E2F2: variants seen among roughly 807,000 people sequenced by gnomAD.
The protein encoded by E2F2 is E2F transcription factor 2.
In E2F2, 22 loss-of-function variants were observed where a neutral mutation model predicts 42.2. That is an observed-to-expected ratio of 0.52 (90% CI 0.37 to 0.74). The LOEUF (loss-of-function observed/expected upper bound fraction) is 0.74. Among genes scored for constraint, E2F2 ranks in the 30% least tolerant of loss-of-function variants. The pLI, the probability that E2F2 is intolerant of heterozygous loss-of-function variation, is 0.00. For missense variants in E2F2, 481 were observed against 557.8 expected (o/e 0.86, Z 1.39); for synonymous variants, 248 against 251.6 (o/e 0.99, Z 0.13).
intron 6 of E2F2, among the ~76,000 whole-genome samples, chr1:23,514,337 A>G (rs1410520333): frequency 6.6e-6 from 1 of 152,104 alleles, no homozygotes; most frequent in Non-Finnish European, 1.5e-5. Context: ...AGGTGTCCCA[A>G]GGGACAGATG....
At chr1:23,514,123 TAA>T (rs35229050) in intron 6 of E2F2, among the ~76,000 whole-genome samples, 32 of 146,304 alleles carry the variant, frequency 2.2e-4, no homozygotes, top group South Asian at 1.3e-3. Flanking sequence ...GACTCTGTCT[TAA>T]AAAAAAAAAA....
rs1270263748 is a variant in E2F2 at position 23,509,423 on chromosome 1, T to G, written c.*457A>C. On this transcript the variant is annotated 3_prime_UTR_variant, in exon 7 of 7. Coordinates refer to ENST00000361729, the MANE Select transcript of E2F2 (RefSeq NM_004091.4). ...TGGAACATGGACAGTGATGGGCCTG[T>G]CTGCAGAGGTCTCACTAAAAACTAG... is the stretch of plus-strand genomic sequence containing the variant. The G allele has an allele frequency of 1.3e-5, 2 of 152,748 alleles. No homozygotes were observed. The highest frequency in any genetic ancestry group is 2.4e-5 in the African/African-American group (1 of 41,466). 9.5% of individuals were successfully genotyped at this position (152,748 alleles called of 1,614,324 possible).
chr1:23,517,748 G>C (rs1389113411), intron 5 of E2F2, among the ~76,000 whole-genome samples: 1 of 152,230 alleles, frequency 6.6e-6, no homozygotes, highest in Non-Finnish European at 1.5e-5. Flanking sequence ...AGGTGTTTAT[G>C]AAGTCTGGAG....
chr1:23,529,050 CAAAAAAT>C (rs1643295486), intron 1 of E2F2, among the ~76,000 whole-genome samples: 1 of 151,966 alleles, frequency 6.6e-6, no homozygotes, highest in African/African-American at 2.4e-5. Context: ...CCTGTCTCTA[CAAAAAAT>C]AAAAAATAAA....
At chr1:23,518,314 T>C (rs1204649970) in intron 5 of E2F2, among the ~76,000 whole-genome samples, 2 of 150,776 alleles carry the variant, frequency 1.3e-5, no homozygotes, top group Non-Finnish European at 3.0e-5. Flanking sequence ...AAAAAAAAAA[T>C]ACAAAACTTA....
At chr1:23,515,941 A>G (rs1394669538) in intron 6 of E2F2, among the ~76,000 whole-genome samples, 1 of 152,174 alleles carries the variant, frequency 6.6e-6, no homozygotes, top group Non-Finnish European at 1.5e-5. Context: ...GTCTCAAATG[A>G]TTCTCCTGCC....
At position 23,531,098 on chromosome 1, in the gene E2F2, G is replaced by C; in HGVS notation, c.-305C>G. 3.1e-6 allele frequency: 1 copy of C among 327,226 alleles called. No individual in the cohort carries two copies. Among genetic ancestry groups the C allele is most frequent in the Non-Finnish European group, 5.5e-6 (1 of 180,424 alleles). 20.3% of individuals were successfully genotyped at this position (327,226 alleles called of 1,614,324 possible). On this transcript the variant is annotated 5_prime_UTR_variant, in exon 1 of 7. Coordinates refer to ENST00000361729, the MANE Select transcript of E2F2 (RefSeq NM_004091.4). ...CGCTCCCCAAGGCCTCGGCACCTGG[G>C]GTCCGGCCGGCTCTGGGGAGGGGTC...
intron 6 of E2F2, among the ~76,000 whole-genome samples, chr1:23,511,232 G>A (rs1282500068): frequency 6.6e-6 from 1 of 151,242 alleles, no homozygotes; most frequent in African/African-American, 2.4e-5. Flanking sequence ...TTTCTTTCTC[G>A]CCGCCTTCTT....
Position 23,522,372 on chromosome 1 carries a change from A to G in E2F2, c.359-316T>C, listed in dbSNP as rs1462176589. Among the ~76,000 whole-genome samples, 4 of 152,304 alleles carry G rather than the reference A, an allele frequency of 2.6e-5. No homozygotes were observed. The East Asian group carries it at 5.8e-4, about 22-fold the overall frequency. On this transcript the variant is annotated intron_variant, in intron 2 of 6. Coordinates refer to ENST00000361729, the MANE Select transcript of E2F2 (RefSeq NM_004091.4). ...CACCCACAACTACTGTCACTGTTCTAAGTGCTTTCCATGTACGAACACATT... is the reference window on the plus strand; with the variant it reads ...CACCCACAACTACTGTCACTGTTCTGAGTGCTTTCCATGTACGAACACATT...
rs1642851987 is a variant in E2F2 at position 23,508,852 on chromosome 1, T to G, written c.*1028A>C. 1 of 152,150 alleles carries G rather than the reference T, an allele frequency of 6.6e-6. No individual in the cohort carries two copies. Among genetic ancestry groups the G allele is most frequent in the Non-Finnish European group, 1.5e-5 (1 of 68,064 alleles). The allele number at this position is 152,150 out of a possible 1,614,324, so 9.4% of individuals were successfully genotyped here. The stretch of plus-strand genomic sequence containing the variant: ...AGTGCCACATGGGGGGCAGAGGGGA[T>G]GCTTTTGGCAGTTTTTTGTTTTAAT... On this transcript the variant is annotated 3_prime_UTR_variant, in exon 7 of 7. Coordinates refer to ENST00000361729, the MANE Select transcript of E2F2 (RefSeq NM_004091.4).
rs755157465 is a variant in E2F2, at chr1:23,519,117, T to C, written c.751A>G (p.Thr251Ala). Residue 251 changes from threonine (T) to alanine (A), a missense_variant, in exon 5 of 7, where the codon ACT (threonine) becomes GCT (alanine). Physicochemically the swap from Thr to Ala is moderately conservative, Grantham distance 58. Coordinates refer to ENST00000361729, the MANE Select transcript of E2F2 (RefSeq NM_004091.4). ...CCAACAGCACGGATATCCTGGTAAGTCACATAGGCCAGCGTAGGGCAGGAG... is the reference window on the plus strand; with the variant it reads ...CCAACAGCACGGATATCCTGGTAAGCCACATAGGCCAGCGTAGGGCAGGAG... Reference protein sequence around the residue: ...DKANKRLAYVTYQDIRAVGNF... With the variant: ...DKANKRLAYVAYQDIRAVGNF... The C allele has an allele frequency of 6.2e-7, 1 of 1,613,778 alleles. No homozygotes were observed. The highest frequency in any genetic ancestry group is 8.5e-7 in the Non-Finnish European group (1 of 1,179,826).
At chr1:23,512,760 CT>C (rs1041399129) in intron 6 of E2F2, among the ~76,000 whole-genome samples, 4 of 152,032 alleles carry the variant, frequency 2.6e-5, no homozygotes, top group African/African-American at 9.7e-5. Context: ...GCTCTTACTG[CT>C]TTTCTGTCTC....
Position 23,516,231 on chromosome 1 carries a change from A to C in E2F2, c.1045+104T>G, listed in dbSNP as rs529818994. ...TGTGGGGTAGGATGACTACATCCCC[A>C]GCTGCTGGATAAAACAGGAGGTTTT... On this transcript the variant is annotated intron_variant, in intron 6 of 6. Coordinates refer to ENST00000361729, the MANE Select transcript of E2F2 (RefSeq NM_004091.4). 3.3e-5 allele frequency: 45 copies of C among 1,359,400 alleles called. No individual in the cohort carries two copies. The Admixed American group carries it at 9.7e-4, about 29-fold the overall frequency. The allele number at this position is 1,359,400 out of a possible 1,614,324, so 84.2% of individuals were successfully genotyped here.
At chr1:23,511,123 C>A (rs148929183) in intron 6 of E2F2, among the ~76,000 whole-genome samples, 1 of 152,268 alleles carries the variant, frequency 6.6e-6, no homozygotes, top group Non-Finnish European at 1.5e-5. Flanking sequence ...CCACCATGTC[C>A]CTGAGCCAGT....
chr1:23,529,710 A>AT (rs1643307322), intron 1 of E2F2, among the ~76,000 whole-genome samples: 1 of 152,186 alleles, frequency 6.6e-6, no homozygotes, highest in South Asian at 2.1e-4. Flanking sequence ...CACACAGAGA[A>AT]TTAGTGGCAG....
chr1:23,519,121 A>G lies in E2F2; in HGVS notation c.747T>C (p.Tyr249=), dbSNP rs1456575464. The G allele has an allele frequency of 2.5e-6, 4 of 1,613,820 alleles. No homozygotes were observed. The highest frequency in any genetic ancestry group is 1.3e-5 in the African/African-American group (1 of 75,046). Residue 249 remains tyrosine (Y), a synonymous_variant, in exon 5 of 7, where the codon TAT becomes TAC. Transcript: ENST00000361729. ...TEDKANKRLA[Y]VTYQDIRAVG... ...CAGCACGGATATCCTGGTAAGTCAC[A>G]TAGGCCAGCGTAGGGCAGGAGAGTC...
intron 6 of E2F2, among the ~76,000 whole-genome samples, chr1:23,512,254 G>C (rs554428487): frequency 6.6e-6 from 1 of 151,882 alleles, no homozygotes; most frequent in Non-Finnish European, 1.5e-5. Flanking sequence ...CTGGTTTGTC[G>C]GGTCTGCATG....
At chr1:23,516,302 C>G in intron 6 of E2F2, 33 bp downstream of exon 6, 1 of 1,451,256 alleles carries the variant, frequency 6.9e-7, no homozygotes, top group South Asian at 1.5e-5. Flanking sequence ...GGTCTCTCCC[C>G]CCACCTCCTG....
chr1:23,510,273 CG>C, intron 6 of E2F2, 125 bp from the exon 7 acceptor site: 1 of 1,400,834 alleles, frequency 7.1e-7, no homozygotes, highest in Non-Finnish European at 9.3e-7. Flanking sequence ...GGTGGACTGT[CG>C]TGCTCTCAAA....
Sources: allele counts gnomAD v4.1 joint callset (sites outside exome capture counted in the v4.1 genomes callset), GRCh38; gene constraint gnomAD v4.1.1; transcripts MANE v1.5; gene names NCBI Gene and HGNC (gene_info 2026-07-23, HGNC 2026-07-21).